The following MYO18B variants were observed in gnomAD, a reference collection of about 807,000 sequenced individuals.
MYO18B encodes the protein unconventional myosin-XVIIIb.
A neutral mutation model predicts 273.0 loss-of-function variants in MYO18B; 204 were observed. The ratio of observed to expected loss-of-function variants is 0.75; its 90% confidence interval spans 0.67 to 0.84. The LOEUF is 0.84. Among genes scored for constraint, MYO18B ranks in the 40% least tolerant of loss-of-function variants. The pLI, the probability that MYO18B is intolerant of heterozygous loss-of-function variation, is 0.00. For missense variants in MYO18B, 3,212 were observed against 3,287.6 expected (o/e 0.98, Z 0.56); for synonymous variants, 1,330 against 1,305.7 (o/e 1.02, Z -0.40).
chr22:25,828,340 C>T (rs970948007), intron 14 of MYO18B, among the ~76,000 whole-genome samples: 2 of 152,140 alleles, frequency 1.3e-5, no homozygotes, highest in African/African-American at 4.8e-5. Context: ...CTGTTGTGTC[C>T]ACCCCTACAG....
chr22:25,745,035 C>CATATATATT (rs1379464278), intron 1 of MYO18B, among the ~76,000 whole-genome samples: 2 of 152,178 alleles, frequency 1.3e-5, no homozygotes, highest in African/African-American at 4.8e-5. Context: ...TATATTATCC[C>CATATATATT]CCCGCACCAA....
chr22:25,827,418 GC>G lies in MYO18B; in HGVS notation c.2786+920del, dbSNP rs61172727. Among the ~76,000 whole-genome samples, 42 of 152,318 alleles carry G rather than the reference GC, an allele frequency of 2.8e-4. 1 individual carries two copies. In the East Asian group the frequency reaches 7.1e-3, roughly 26 times the overall value. ...TGTGCCTCTGATGTGTGTCTGCGGG[GC>G]TGCAGGCACCAGGAGCCTCTGTTTT... is the stretch of plus-strand genomic sequence containing the variant. On this transcript the variant is annotated intron_variant, in intron 14 of 43. Coordinates refer to ENST00000335473, the MANE Select transcript of MYO18B (RefSeq NM_032608.7).
rs759314310 is a variant in MYO18B, at chr22:25,903,760, T to C, written c.5077T>C (p.Leu1693=). The C allele has an allele frequency of 6.2e-7, 1 of 1,604,636 alleles. No individual in the cohort carries two copies. The highest frequency in any genetic ancestry group is 8.5e-7 in the Non-Finnish European group (1 of 1,175,680). The change falls in exon 31 of 44, where the codon TTG becomes CTG. Residue 1693 remains leucine, a synonymous_variant. Transcript: ENST00000335473. ...TGGCTTGAAGGAGAGGCTCTGGAAG[T>C]TGGAATCCAGCGCCCTTGAGCAACA... is the stretch of plus-strand genomic sequence containing the variant. ...VAGLKERLWK[L]ESSALEQQKI... is the part of the protein sequence containing the mutation.
At chr22:25,768,045 A>G (rs1039302426) in intron 3 of MYO18B, 70 bp from the exon 4 acceptor site, 1 of 1,315,044 alleles carries the variant, frequency 7.6e-7, no homozygotes, top group African/African-American at 1.5e-5. Context: ...GAATGAACGA[A>G]CACGAGTGAA....
intron 25 of MYO18B, among the ~76,000 whole-genome samples, chr22:25,888,244 G>C (rs778293512): frequency 7.2e-5 from 11 of 152,108 alleles, no homozygotes; most frequent in Non-Finnish European, 7.4e-5. Context: ...TTGGGGGTCT[G>C]AGAGTCCTAT....
chr22:25,777,483 G>C, intron 7 of MYO18B, 100 bp from the exon 8 acceptor site: 1 of 1,151,318 alleles, frequency 8.7e-7, no homozygotes, highest in African/African-American at 1.6e-5. Flanking sequence ...TGGAGGCAGG[G>C]ACACAGATCT....
chr22:25,948,407 TTTCCTTCCTTCCTTCCTTCCTTCC>T (rs59622689), intron 36 of MYO18B, among the ~76,000 whole-genome samples: 1,429 of 118,004 alleles, frequency 0.012, 26 homozygotes, highest in African/African-American at 0.039. Context: ...TTTTCCTGTC[TTTCCTTCCTTCCTTCCTTCCTTCC>T]TTCCTTCCTT....
chr22:25,937,758 T>C (rs1569211494), intron 34 of MYO18B, among the ~76,000 whole-genome samples: 1 of 152,114 alleles, frequency 6.6e-6, no homozygotes, highest in Non-Finnish European at 1.5e-5. Context: ...GCTGATTTTG[T>C]ATTTTTAGTA....
At chr22:25,960,026 G>A (rs1354573378) in intron 39 of MYO18B, among the ~76,000 whole-genome samples, 1 of 152,172 alleles carries the variant, frequency 6.6e-6, no homozygotes, top group Admixed American at 6.5e-5. Context: ...CACTGTTGGT[G>A]TTGGTTTAAA....
chr22:25,809,879 C>T lies in MYO18B; in HGVS notation c.2521+11782C>T, dbSNP rs150660868. ...GGGACTGTTAACATAACACAATGACCATATATTCAAGAGCTTTGGGAAGTG... is the reference window on the plus strand; with the variant it reads ...GGGACTGTTAACATAACACAATGACTATATATTCAAGAGCTTTGGGAAGTG... On this transcript the variant is annotated intron_variant, in intron 12 of 43. Transcript: ENST00000335473. Among the ~76,000 whole-genome samples, 86 of 151,794 alleles carry T rather than the reference C, an allele frequency of 5.7e-4. 1 individual carries two copies. The highest frequency in any genetic ancestry group is 2.1e-3 in the African/African-American group (86 of 41,338).
At chr22:25,997,603 T>C (rs1346322538) in intron 40 of MYO18B, among the ~76,000 whole-genome samples, 1 of 151,948 alleles carries the variant, frequency 6.6e-6, no homozygotes, top group African/African-American at 2.4e-5. Context: ...GGGGAAAAAA[T>C]TGCCCATGAA....
chr22:26,020,662 G>C (rs558032749), intron 42 of MYO18B, among the ~76,000 whole-genome samples: 5 of 152,316 alleles, frequency 3.3e-5, no homozygotes, highest in African/African-American at 1.2e-4. Flanking sequence ...GGGGGTAATG[G>C]AGGTAGAAGT....
chr22:26,006,276 G>C (rs1934411477), intron 42 of MYO18B: 1 of 155,400 alleles, frequency 6.4e-6, no homozygotes, highest in African/African-American at 2.4e-5. Flanking sequence ...TACGGTTTCG[G>C]TGCAGGATCT....
chr22:26,055,442 G>C, the MYO18B span, among the ~76,000 whole-genome samples: 1 of 152,246 alleles, frequency 6.6e-6, no homozygotes, highest in African/African-American at 2.4e-5. Flanking sequence ...GAATGAGGTT[G>C]CTAAGGAGAC....
intron 1 of MYO18B, among the ~76,000 whole-genome samples, chr22:25,753,399 C>T (rs2086004323): frequency 6.6e-6 from 1 of 152,186 alleles, no homozygotes; most frequent in Non-Finnish European, 1.5e-5. Flanking sequence ...GTAAAACGGA[C>T]CAGTCAGCTC....
At chr22:25,749,020 G>A (rs1254410180) in intron 1 of MYO18B, among the ~76,000 whole-genome samples, 3 of 152,144 alleles carry the variant, frequency 2.0e-5, no homozygotes, top group East Asian at 3.9e-4. Flanking sequence ...CTCTTTCCAC[G>A]CCCAGGGCAG....
At chr22:25,915,439 GGTAA>G (rs1021467126) in intron 33 of MYO18B, among the ~76,000 whole-genome samples, 110 of 152,228 alleles carry the variant, frequency 7.2e-4, no homozygotes, top group African/African-American at 2.6e-3. Context: ...GTGACACAGT[GGTAA>G]GTATTTGTGT....
rs1414438729 is a variant in MYO18B, at chr22:26,027,541, A to G, written c.7567A>G (p.Ser2523Gly). The G allele has an allele frequency of 1.2e-6, 2 of 1,613,882 alleles. No homozygotes were observed. The highest frequency in any genetic ancestry group is 2.7e-5 in the African/African-American group (2 of 74,934). The change falls in exon 43 of 44, where the codon AGC becomes GGC. Residue 2523 changes from serine (S) to glycine (G), a missense_variant. Physicochemically the swap from Ser to Gly is moderately conservative, Grantham distance 56. Transcript: ENST00000335473. This position sits in a 1 kb window ranked among gnomAD's most constrained non-coding sequence, Gnocchi z 4.1. ...CATCGTGTCCTTCAAAAGTGCTGAC[A>G]GCATCAAAAGTCGACCAGGAATCCC... ...GSIVSFKSAD[S>G]IKSRPGIPRL... is the part of the protein sequence containing the mutation.
chr22:25,861,030 A>G (rs1394100119), intron 21 of MYO18B, among the ~76,000 whole-genome samples: 1 of 152,082 alleles, frequency 6.6e-6, no homozygotes, highest in Non-Finnish European at 1.5e-5. Flanking sequence ...CTCAGACTAC[A>G]GGCATATGCC....
Sources: allele counts gnomAD v4.1 joint callset (sites outside exome capture counted in the v4.1 genomes callset), GRCh38; gene constraint gnomAD v4.1.1; non-coding constraint Gnocchi (gnomAD v3.1); transcripts MANE v1.5; gene names NCBI Gene and HGNC (gene_info 2026-07-23, HGNC 2026-07-21).